Variants in PPIL1 observed in about 807,000 individuals in gnomAD.
PPIL1 encodes peptidyl-prolyl cis-trans isomerase-like 1.
In PPIL1, 14 loss-of-function variants were observed where a neutral mutation model predicts 19.4. The ratio of observed to expected loss-of-function variants is 0.72; its 90% CI spans 0.48 to 1.13. The LOEUF (loss-of-function observed/expected upper bound fraction) is 1.13. Ranked by LOEUF, PPIL1 falls within the 50% of genes most tolerant of loss-of-function variation. PPIL1 has a pLI of 0.00. For missense variants in PPIL1, 192 were observed against 218.0 expected (o/e 0.88, Z 0.75); for synonymous variants, 72 against 73.6 (o/e 0.98, Z 0.11).
chr6:36,871,863 G>A lies in PPIL1; in HGVS notation c.66C>T (p.Ile22=). 2 of 1,586,850 alleles carry A rather than the reference G, an allele frequency of 1.3e-6. No individual in the cohort carries two copies. The highest frequency in any genetic ancestry group is 1.7e-6 in the Non-Finnish European group (2 of 1,170,784). The change falls in exon 2 of 4, where the codon ATC becomes ATT. Residue 22 remains isoleucine (I), a synonymous_variant. Transcript: ENST00000373699. ...GCTTCCAGTACAGCTCCAGCACAAT[G>A]ATTCCCATGCTGCAGAGGGAGAGGA... is the stretch of plus-strand genomic sequence containing the variant. ...PNVYLETSMG[I]IVLELYWKHA...
chr6:36,859,157 T>G (rs891826691), intron 2 of PPIL1, among the ~76,000 whole-genome samples: 1 of 152,126 alleles, frequency 6.6e-6, no homozygotes, highest in Admixed American at 6.5e-5. Context: ...CTGGGCATGG[T>G]GGCTCACACC....
intron 1 of PPIL1, among the ~76,000 whole-genome samples, chr6:36,873,185 A>G (rs776795296): frequency 6.6e-6 from 1 of 152,222 alleles, no homozygotes; most frequent in Non-Finnish European, 1.5e-5. Context: ...TACGTATACA[A>G]TTCTGAAATG....
intron 2 of PPIL1, among the ~76,000 whole-genome samples, chr6:36,867,843 C>T (rs1293188350): frequency 6.6e-6 from 1 of 152,256 alleles, no homozygotes; most frequent in Non-Finnish European, 1.5e-5. Flanking sequence ...AGCAACCTAA[C>T]ATTTGAAGTG....
chr6:36,860,017 T>C (rs62406643), intron 2 of PPIL1, among the ~76,000 whole-genome samples: 75,740 of 151,624 alleles, frequency 0.5, 19,514 homozygotes, highest in East Asian at 0.66. Flanking sequence ...TTAGTAGAGA[T>C]GGGGTTTCAC....
chr6:36,856,527 A>G, intron 3 of PPIL1, 59 bp downstream of exon 3: 1 of 1,504,346 alleles, frequency 6.6e-7, no homozygotes, highest in Non-Finnish European at 9.2e-7. Flanking sequence ...AATCATGGCC[A>G]AAAGAGTGAG....
At chr6:36,858,011 CG>C (rs1774202431) in intron 2 of PPIL1, among the ~76,000 whole-genome samples, 1 of 151,748 alleles carries the variant, frequency 6.6e-6, no homozygotes, top group Non-Finnish European at 1.5e-5. Context: ...AGGTGGATCA[CG>C]AGGTCATGAG....
intron 2 of PPIL1, among the ~76,000 whole-genome samples, chr6:36,861,695 T>TTA (rs1554132667): frequency 1.4e-5 from 2 of 147,156 alleles, no homozygotes; most frequent in African/African-American, 4.9e-5. Context: ...TTTTTTTTTT[T>TTA]AATTCCTTTT....
At chr6:36,873,667 A>G (rs1774568334) in intron 1 of PPIL1, among the ~76,000 whole-genome samples, 1 of 152,330 alleles carries the variant, frequency 6.6e-6, no homozygotes, top group African/African-American at 2.4e-5. Flanking sequence ...GAAGATGTAG[A>G]ATTTTGCCAT....
At chr6:36,861,669 T>C (rs1486500120) in intron 2 of PPIL1, among the ~76,000 whole-genome samples, 3 of 151,490 alleles carry the variant, frequency 2.0e-5, no homozygotes, top group African/African-American at 7.3e-5. Flanking sequence ...ACCTTCTTCT[T>C]TATGATCTGT....
chr6:36,874,498 C>T (rs897574321), intron 1 of PPIL1, among the ~76,000 whole-genome samples: 3 of 152,234 alleles, frequency 2.0e-5, no homozygotes, highest in Non-Finnish European at 4.4e-5. Context: ...GGAGGACAAT[C>T]AGGCAGCTAT....
At chr6:36,867,254 A>G (rs1215533307) in intron 2 of PPIL1, among the ~76,000 whole-genome samples, 1 of 152,222 alleles carries the variant, frequency 6.6e-6, no homozygotes, top group African/African-American at 2.4e-5. Flanking sequence ...GGTATGTTTC[A>G]GTTATTGCTA....
intron 2 of PPIL1, among the ~76,000 whole-genome samples, chr6:36,868,491 G>T (rs906912346): frequency 1.3e-5 from 2 of 152,168 alleles, no homozygotes; most frequent in Non-Finnish European, 2.9e-5. Flanking sequence ...AATTAACCCT[G>T]ATGTAAAGGA....
rs377121384 is a variant in PPIL1 at position 36,874,776 on chromosome 6, G to A, written c.-4C>T. The stretch of plus-strand genomic sequence containing the variant: ...AATCTGGGGGAATTGCCGCCATAGC[G>A]AAGCCGGCGGCGGAATGCTTGTCTA... On this transcript the variant is annotated 5_prime_UTR_variant, in exon 1 of 4. Coordinates refer to ENST00000373699, the MANE Select transcript of PPIL1 (RefSeq NM_016059.5). 30 of 1,613,988 alleles carry A rather than the reference G, an allele frequency of 1.9e-5. No homozygotes were observed. Among genetic ancestry groups the A allele is most frequent in the Non-Finnish European group, 2.3e-5 (27 of 1,179,974 alleles).
chr6:36,862,050 C>T (rs552384637), intron 2 of PPIL1, among the ~76,000 whole-genome samples: 2 of 152,328 alleles, frequency 1.3e-5, no homozygotes, highest in East Asian at 1.9e-4. Context: ...CCCTGTGACT[C>T]CTGTGATGTC....
Position 36,871,912 on chromosome 6 carries a change from G to T in PPIL1, c.57-40C>A, listed in dbSNP as rs770776316. 8 of 1,526,598 alleles carry T rather than the reference G, an allele frequency of 5.2e-6. No individual in the cohort carries two copies. The East Asian group carries it at 7.3e-5, about 14-fold the overall frequency. The allele number at this position is 1,526,598 out of a possible 1,614,324, so 94.6% of individuals were successfully genotyped here. A position where few individuals can be genotyped will look rare whatever the true frequency, so the allele number is the denominator to read the frequency against. ...GACAACAGCTCCAGTAAACAAAAAG[G>T]TCAGGGCAGACAGGAGTATTATGGA... On this transcript the variant is annotated intron_variant, in intron 1 of 3. Coordinates refer to ENST00000373699, the MANE Select transcript of PPIL1 (RefSeq NM_016059.5).
chr6:36,861,355 C>T (rs547373076), intron 2 of PPIL1, among the ~76,000 whole-genome samples: 12 of 152,238 alleles, frequency 7.9e-5, no homozygotes, highest in African/African-American at 2.6e-4. Context: ...CCTCTGTGAA[C>T]GGCCACTCAG....
rs781608283 is a variant in PPIL1, at chr6:36,856,710, C to T, written c.212-56G>A. 5 of 1,488,238 alleles carry T rather than the reference C, an allele frequency of 3.4e-6. No individual in the cohort carries two copies. In the East Asian group the frequency reaches 1.1e-4, roughly 34 times the overall value. The allele number at this position is 1,488,238 out of a possible 1,614,324, so 92.2% of individuals were successfully genotyped here. A position where few individuals can be genotyped will look rare whatever the true frequency, so the allele number is the denominator to read the frequency against. On this transcript the variant is annotated intron_variant, in intron 2 of 3. Coordinates refer to ENST00000373699, the MANE Select transcript of PPIL1 (RefSeq NM_016059.5). ...GCCAGTCACACATTCTATCTCACAG[C>T]AAGAATGATGGCCCAGGGTCAAAGG...
At chr6:36,867,181 C>T (rs1378625930) in intron 2 of PPIL1, among the ~76,000 whole-genome samples, 2 of 152,208 alleles carry the variant, frequency 1.3e-5, no homozygotes, top group Non-Finnish European at 2.9e-5. Context: ...AGGTTGGCTA[C>T]TCCTGGATTC....
chr6:36,874,797 G>A lies in PPIL1; in HGVS notation c.-25C>T. On this transcript the variant is annotated 5_prime_UTR_variant, in exon 1 of 4. Transcript: ENST00000373699. ...TAGCGAAGCCGGCGGCGGAATGCTT[G>A]TCTAGTAATTGCTACTTCCGGCGTC... The A allele has an allele frequency of 1.2e-6, 2 of 1,613,338 alleles. No individual in the cohort carries two copies. Among genetic ancestry groups the A allele is most frequent in the Middle Eastern group, 1.7e-4 (1 of 6,060 alleles).
Sources: gnomAD v4.1 joint callset for allele counts (sites outside exome capture counted in the v4.1 genomes callset) on GRCh38, gnomAD v4.1.1 for gene constraint, MANE v1.5 for transcripts, NCBI Gene and HGNC (gene_info 2026-07-23, HGNC 2026-07-21) for gene names.